The following PTPRT variants were observed in gnomAD, a reference collection of about 807,000 sequenced individuals.
PTPRT encodes the protein receptor-type tyrosine-protein phosphatase T.
PTPRT carries 56 observed loss-of-function variants against 176.8 expected under a neutral mutation model. That is an observed-to-expected ratio of 0.32 (90% confidence interval 0.26 to 0.40). The LOEUF (loss-of-function observed/expected upper bound fraction) is 0.40, where lower values mean the gene tolerates loss of function less well. PTPRT is among the 10% of genes least tolerant of loss of function. The pLI, the probability that PTPRT is intolerant of heterozygous loss-of-function variation, is 1.00. For missense variants in PTPRT, 1,540 were observed against 1,908.2 expected (o/e 0.81, Z 3.60); for synonymous variants, 783 against 739.0 (o/e 1.06, Z -0.96).
At chr20:42,641,042 C>T (rs983025952) in intron 7 of PTPRT, among the ~76,000 whole-genome samples, 1 of 152,044 alleles carries the variant, frequency 6.6e-6, no homozygotes, top group South Asian at 2.1e-4. Context: ...CATAATATTC[C>T]ACTAAGTGGA....
chr20:42,457,474 T>TAA (rs1466249995), intron 8 of PTPRT, among the ~76,000 whole-genome samples: 14 of 152,176 alleles, frequency 9.2e-5, no homozygotes, highest in African/African-American at 3.4e-4. Context: ...TTCTTTACAA[T>TAA]AAGAATGAAA....
chr20:42,996,557 G>C (rs1984234905), intron 1 of PTPRT, among the ~76,000 whole-genome samples: 2 of 152,194 alleles, frequency 1.3e-5, no homozygotes, highest in East Asian at 3.8e-4. Context: ...GCACACACAA[G>C]CTCCTTCTGC....
chr20:42,331,401 G>GTGAAATC (rs1290901574), intron 11 of PTPRT, among the ~76,000 whole-genome samples: 1 of 137,650 alleles, frequency 7.3e-6, no homozygotes, highest in Non-Finnish European at 1.5e-5. Context: ...AAAGTATCAG[G>GTGAAATC]TGAAATCTCT....
At chr20:42,598,497 G>A (rs1601344431) in intron 7 of PTPRT, among the ~76,000 whole-genome samples, 1 of 152,144 alleles carries the variant, frequency 6.6e-6, no homozygotes, top group East Asian at 1.9e-4. Flanking sequence ...AAATATAGAT[G>A]AGAAGAAGAA....
At chr20:43,181,661 CT>C (rs2015262219) in intron 1 of PTPRT, among the ~76,000 whole-genome samples, 1 of 152,142 alleles carries the variant, frequency 6.6e-6, no homozygotes, top group Non-Finnish European at 1.5e-5. Flanking sequence ...AAACCTCTTT[CT>C]TTTCTATCCC....
Position 42,472,398 on chromosome 20 carries a change from C to T in PTPRT, c.1318G>A (p.Val440Ile), listed in dbSNP as rs1314780567. The change falls in exon 8 of 31, where the codon GTC becomes ATC. Residue 440 changes from valine (V) to isoleucine (I), a missense_variant. Physicochemically the swap from Val to Ile is conservative, Grantham distance 29 (BLOSUM62 3). Coordinates refer to ENST00000373187, the MANE Select transcript of PTPRT (RefSeq NM_007050.6). Reference protein sequence around the residue: ...FNQQQYEAEEVIQTSSHYTLR... With the variant: ...FNQQQYEAEEIIQTSSHYTLR... ...GTGTAGTGGGAGGAGGTCTGGATGA[C>T]CTCCTCGGCCTCGTACTGCTGCTGG... 1 of 1,614,220 alleles carries T rather than the reference C, an allele frequency of 6.2e-7. No homozygotes were observed. The highest frequency in any genetic ancestry group is 8.5e-7 in the Non-Finnish European group (1 of 1,180,038).
At chr20:42,764,544 C>A (rs1227519053) in intron 5 of PTPRT, among the ~76,000 whole-genome samples, 1 of 152,008 alleles carries the variant, frequency 6.6e-6, no homozygotes, top group East Asian at 1.9e-4. Context: ...GGAGTGTAAC[C>A]CAAGGTGACA....
At chr20:42,773,816 G>A (rs1024349752) in intron 4 of PTPRT, among the ~76,000 whole-genome samples, 6 of 152,186 alleles carry the variant, frequency 3.9e-5, no homozygotes, top group African/African-American at 1.2e-4. Context: ...GGGAGGGAGT[G>A]CAGAGTCTTA....
intron 6 of PTPRT, among the ~76,000 whole-genome samples, chr20:42,755,384 T>A (rs1362780195): frequency 5.3e-5 from 8 of 151,804 alleles, no homozygotes; most frequent in African/African-American, 1.7e-4. Flanking sequence ...ATCAGTGGGG[T>A]TTTTTTTGTT....
At chr20:42,647,246 A>T (rs2074927099) in intron 7 of PTPRT, among the ~76,000 whole-genome samples, 1 of 152,010 alleles carries the variant, frequency 6.6e-6, no homozygotes, top group South Asian at 2.1e-4. Context: ...CCCCAGGTTC[A>T]TATCTTTGCC....
chr20:42,596,159 A>G (rs1232235654), intron 7 of PTPRT, among the ~76,000 whole-genome samples: 1 of 152,162 alleles, frequency 6.6e-6, no homozygotes, highest in Non-Finnish European at 1.5e-5. Context: ...GTCCAGTGGT[A>G]TAGATCTATC....
rs80027719 is a variant in PTPRT at position 42,441,761 on chromosome 20, G to A, written c.1560+6459C>T. ...CGGATTAGCTGTGTGGCTGCTGGGG[G>A]CAACGGATGACGCTCTCATTTCTGG... is the stretch of plus-strand genomic sequence containing the variant. On this transcript the variant is annotated intron_variant, in intron 9 of 30. Coordinates refer to ENST00000373187, the MANE Select transcript of PTPRT (RefSeq NM_007050.6). Among the ~76,000 whole-genome samples the A allele has an allele frequency of 4.4e-3, 672 of 152,278 alleles. 4 individuals are homozygous for A. The highest frequency in any genetic ancestry group is 0.015 in the African/African-American group (633 of 41,550).
intron 9 of PTPRT, among the ~76,000 whole-genome samples, chr20:42,420,672 C>T (rs993976459): frequency 6.6e-6 from 1 of 152,156 alleles, no homozygotes; most frequent in Non-Finnish European, 1.5e-5. Flanking sequence ...CAGCCCCCAC[C>T]TTTTGAGGGG....
intron 1 of PTPRT, among the ~76,000 whole-genome samples, chr20:43,085,705 C>T (rs970771406): frequency 4.6e-5 from 7 of 152,062 alleles, no homozygotes; most frequent in East Asian, 1.9e-4. Context: ...AAGAACAGCA[C>T]GCGAAAAACC....
intron 1 of PTPRT, among the ~76,000 whole-genome samples, chr20:43,153,533 AAC>A (rs2014427504): frequency 6.6e-6 from 1 of 152,192 alleles, no homozygotes; most frequent in Admixed American, 6.5e-5. Context: ...TCAGGAGAAA[AAC>A]ACAGTATAAA....
chr20:42,928,552 G>A (rs539590435), intron 1 of PTPRT, among the ~76,000 whole-genome samples: 3 of 152,282 alleles, frequency 2.0e-5, no homozygotes, highest in African/African-American at 7.2e-5. Flanking sequence ...GAATATCAGG[G>A]GCCATGGGGA....
intron 7 of PTPRT, among the ~76,000 whole-genome samples, chr20:42,561,537 C>A (rs181501925): frequency 5.4e-4 from 82 of 152,268 alleles, no homozygotes; most frequent in African/African-American, 1.9e-3. Context: ...GTTTAAAGTT[C>A]TCCTAGATTA....
At chr20:42,567,812 G>A (rs1015187206) in intron 7 of PTPRT, among the ~76,000 whole-genome samples, 15 of 152,102 alleles carry the variant, frequency 9.9e-5, no homozygotes, top group Non-Finnish European at 2.9e-5. Context: ...TATTTTCCTG[G>A]TGGCCTGGAG....
intron 22 of PTPRT, among the ~76,000 whole-genome samples, chr20:42,111,754 C>CAACT (rs1987008321): frequency 6.6e-6 from 1 of 152,212 alleles, no homozygotes; most frequent in Admixed American, 6.5e-5. Context: ...GGTCACAGTA[C>CAACT]AACTCACAAG....
Sources: allele counts gnomAD v4.1 joint callset (sites outside exome capture counted in the v4.1 genomes callset), GRCh38; gene constraint gnomAD v4.1.1; transcripts MANE v1.5; gene names NCBI Gene and HGNC (gene_info 2026-07-23, HGNC 2026-07-21).